DAB1: variants seen among roughly 807,000 people sequenced by gnomAD.
The protein encoded by DAB1 is DAB adaptor protein 1, also known as disabled homolog 1.
In DAB1, 15 loss-of-function variants were observed where a neutral mutation model predicts 64.6. The ratio of observed to expected loss-of-function variants is 0.23; its 90% CI spans 0.16 to 0.36. DAB1 has a LOEUF of 0.36. Among genes scored for constraint, DAB1 ranks in the 10% least tolerant of loss-of-function variants. The pLI, the probability that DAB1 is intolerant of heterozygous loss-of-function variation, is 1.00. For missense variants in DAB1, 596 were observed against 706.7 expected (o/e 0.84, Z 1.78); for synonymous variants, 235 against 251.9 (o/e 0.93, Z 0.64).
At position 57,188,860 on chromosome 1, in the gene DAB1, C is replaced by T. The variant is rs573601693; in HGVS notation, c.68-43431G>A. Reference sequence around the variant, plus strand: ...TTGCATCTTTACTGTGTACCAGGCACGTTACTAAAATAGATCATCTTAAAA... The same window carrying T: ...TTGCATCTTTACTGTGTACCAGGCATGTTACTAAAATAGATCATCTTAAAA... On this transcript the variant is annotated intron_variant, in intron 2 of 14. Transcript: ENST00000371236. Among the ~76,000 whole-genome samples the T allele has an allele frequency of 6.6e-5, 10 of 152,264 alleles. No individual in the cohort carries two copies. The South Asian group carries it at 8.3e-4, about 13-fold the overall frequency.
intron 2 of DAB1, among the ~76,000 whole-genome samples, chr1:57,167,835 T>G (rs984147124): frequency 2.0e-5 from 3 of 152,310 alleles, no homozygotes; most frequent in South Asian, 2.1e-4. Context: ...TGCAGTGACT[T>G]GCAGGTCTGG....
At chr1:57,292,876 T>C (rs942030922) in intron 1 of DAB1, among the ~76,000 whole-genome samples, 2 of 152,042 alleles carry the variant, frequency 1.3e-5, no homozygotes, top group African/African-American at 4.8e-5. Flanking sequence ...CCACGCACAC[T>C]GGGGCGGAAA....
In DAB1 at chr1:57,660,053, T is replaced by C. The variant is rs369041215; in HGVS notation, n.552-10388A>G. 5.3e-5 allele frequency among the ~76,000 whole-genome samples: 8 copies of C among 151,852 alleles called. No individual in the cohort carries two copies. The East Asian group carries it at 1.4e-3, about 26-fold the overall frequency. On this transcript the variant is annotated intron_variant and non_coding_transcript_variant, in intron 6 of 20. Coordinates refer to the DAB1 transcript ENST00000485760. Reference sequence around the variant, plus strand: ...AGATAGATACTGATAATTATAAGCTTAGTTAATAAAGAACACATAATAAAA... The same window carrying C: ...AGATAGATACTGATAATTATAAGCTCAGTTAATAAAGAACACATAATAAAA...
intron 9 of DAB1, among the ~76,000 whole-genome samples, chr1:57,062,299 C>A (rs1650483259): frequency 6.6e-6 from 1 of 152,142 alleles, no homozygotes; most frequent in Admixed American, 6.5e-5. Context: ...TTTGGCTGAA[C>A]TTTTGTATAC....
At chr1:57,108,885 A>G (rs1655405908) in intron 4 of DAB1, among the ~76,000 whole-genome samples, 1 of 152,204 alleles carries the variant, frequency 6.6e-6, no homozygotes, top group Admixed American at 6.5e-5. Flanking sequence ...TGGCTGCCAC[A>G]TCCCCACTCC....
chr1:57,787,160 G>T (rs1453568642), intron 6 of DAB1, among the ~76,000 whole-genome samples: 1 of 151,994 alleles, frequency 6.6e-6, no homozygotes, highest in Non-Finnish European at 1.5e-5. Context: ...AAATTGTCCG[G>T]CTAATTATAA....
intron 5 of DAB1, among the ~76,000 whole-genome samples, chr1:58,015,290 C>T (rs975093802): frequency 2.0e-5 from 3 of 152,164 alleles, no homozygotes; most frequent in African/African-American, 7.2e-5. Flanking sequence ...ATCTCCTGAA[C>T]CTCTCACCTC....
chr1:57,693,765 C>T (rs1646792505), intron 6 of DAB1, among the ~76,000 whole-genome samples: 1 of 152,148 alleles, frequency 6.6e-6, no homozygotes, highest in Non-Finnish European at 1.5e-5. Flanking sequence ...AAGGAAGAAA[C>T]TCTGGATGTG....
intron 4 of DAB1, among the ~76,000 whole-genome samples, chr1:58,178,049 T>C (rs1014473225): frequency 1.3e-5 from 2 of 152,172 alleles, no homozygotes; most frequent in Admixed American, 6.5e-5. Context: ...AAATAGAAAG[T>C]GTAAGGTTAG....
intron 5 of DAB1, among the ~76,000 whole-genome samples, chr1:58,127,758 T>A (rs1238722558): frequency 1.3e-5 from 2 of 151,576 alleles, no homozygotes; most frequent in Non-Finnish European, 3.0e-5. Flanking sequence ...TTGTCAAAGA[T>A]CACATAGTTG....
chr1:58,170,155 C>A (rs1036141218), intron 4 of DAB1, among the ~76,000 whole-genome samples: 2 of 152,172 alleles, frequency 1.3e-5, no homozygotes, highest in Non-Finnish European at 2.9e-5. Flanking sequence ...TACTGGTCAG[C>A]AAGCCATCCC....
chr1:57,595,160 G>C lies in DAB1; in HGVS notation n.625+54432C>G, dbSNP rs190850280. On this transcript the variant is annotated intron_variant and non_coding_transcript_variant, in intron 7 of 20. Coordinates refer to the DAB1 transcript ENST00000485760. Reference sequence around the variant, plus strand: ...ATAGTTGTTGTTTTTAAAAAAATCTGTTTCTACCCACTTCCATTAATTATT... The same window carrying C: ...ATAGTTGTTGTTTTTAAAAAAATCTCTTTCTACCCACTTCCATTAATTATT... 4.6e-5 allele frequency among the ~76,000 whole-genome samples: 7 copies of C among 151,776 alleles called. No homozygotes were observed. In the East Asian group the frequency reaches 1.4e-3, roughly 29 times the overall value.
At chr1:57,460,364 G>A (rs1252254064) in intron 7 of DAB1, among the ~76,000 whole-genome samples, 1 of 152,102 alleles carries the variant, frequency 6.6e-6, no homozygotes, top group East Asian at 1.9e-4. Context: ...CATTTCCACT[G>A]GACACTCAAC....
chr1:58,342,093 T>C (rs1643944044), intron 4 of DAB1, among the ~76,000 whole-genome samples: 1 of 152,228 alleles, frequency 6.6e-6, no homozygotes, highest in Non-Finnish European at 1.5e-5. Flanking sequence ...ATCTGCAAGA[T>C]GACTGCCCAG....
At chr1:58,074,778 G>A (rs1197603100) in intron 5 of DAB1, among the ~76,000 whole-genome samples, 1 of 151,744 alleles carries the variant, frequency 6.6e-6, no homozygotes, top group Non-Finnish European at 1.5e-5. Context: ...AAGAAACTTT[G>A]CCACAGCAGT....
intron 2 of DAB1, among the ~76,000 whole-genome samples, chr1:57,160,672 T>C (rs1278478142): frequency 1.3e-5 from 2 of 152,144 alleles, no homozygotes; most frequent in Non-Finnish European, 1.5e-5. Context: ...AGGACCAGGG[T>C]AATGAATGAG....
chr1:58,220,874 C>CAT (rs1659127177), intron 4 of DAB1, among the ~76,000 whole-genome samples: 1 of 86,560 alleles, frequency 1.2e-5, no homozygotes, highest in African/African-American at 3.9e-5. Flanking sequence ...TACATATATA[C>CAT]ACACACACAC....
At chr1:58,011,850 C>G (rs1363058538) in intron 5 of DAB1, among the ~76,000 whole-genome samples, 1 of 152,078 alleles carries the variant, frequency 6.6e-6, no homozygotes, top group African/African-American at 2.4e-5. Flanking sequence ...GCCACCATGC[C>G]TGGCTAATTT....
At chr1:57,196,815 T>C (rs1373002586) in intron 2 of DAB1, among the ~76,000 whole-genome samples, 1 of 152,222 alleles carries the variant, frequency 6.6e-6, no homozygotes, top group Non-Finnish European at 1.5e-5. Flanking sequence ...ACTTAACCTT[T>C]ATGTAGTTTG....
Sources: gnomAD v4.1 joint callset for allele counts (sites outside exome capture counted in the v4.1 genomes callset) on GRCh38, gnomAD v4.1.1 for gene constraint, MANE v1.5 for transcripts, NCBI Gene and HGNC (gene_info 2026-07-23, HGNC 2026-07-21) for gene names.